The following ROS1 variants were observed in gnomAD, a reference collection of about 807,000 sequenced individuals.
ROS1 encodes the protein ROS proto-oncogene 1, receptor tyrosine kinase.
ROS1 carries 263 observed loss-of-function variants against 273.5 expected under a neutral mutation model. The observed-to-expected ratio is 0.96, with a 90% CI of 0.87 to 1.06. ROS1 has a LOEUF of 1.06. Among genes scored for constraint, ROS1 ranks in the 50% least tolerant of loss-of-function variants. The pLI, the probability that ROS1 is intolerant of heterozygous loss-of-function variation, is 0.00. For missense variants in ROS1, 2,833 were observed against 2,751.1 expected (o/e 1.03, Z -0.67); for synonymous variants, 1,008 against 954.1 (o/e 1.06, Z -1.04).
At chr6:117,292,680 G>A (rs1416151388) in intron 43 of ROS1, among the ~76,000 whole-genome samples, 1 of 152,160 alleles carries the variant, frequency 6.6e-6, no homozygotes, top group Non-Finnish European at 1.5e-5. Context: ...CTGTGTCCTG[G>A]ACTTCTCCGC....
intron 1 of ROS1, among the ~76,000 whole-genome samples, chr6:117,424,983 C>T (rs548929362): frequency 6.6e-6 from 1 of 152,052 alleles, no homozygotes; most frequent in African/African-American, 2.4e-5. Context: ...AGGGATGACA[C>T]CCAGAAATGA....
At chr6:117,336,577 C>T (rs1000833188) in intron 32 of ROS1, among the ~76,000 whole-genome samples, 59 of 151,918 alleles carry the variant, frequency 3.9e-4, no homozygotes, top group African/African-American at 1.1e-3. Context: ...CTAATGTTGA[C>T]GGGCATTTGG....
intron 12 of ROS1, among the ~76,000 whole-genome samples, chr6:117,391,500 T>C (rs537113353): frequency 1.3e-5 from 2 of 152,232 alleles, no homozygotes; most frequent in Admixed American, 6.5e-5. Context: ...GCAGAGGTTT[T>C]ACAGTAAGTC....
intron 16 of ROS1, among the ~76,000 whole-genome samples, chr6:117,384,308 T>A (rs1194037842): frequency 6.6e-6 from 1 of 152,192 alleles, no homozygotes; most frequent in Non-Finnish European, 1.5e-5. Flanking sequence ...GTATTTTATC[T>A]CCTCAGAAGA....
rs537802794 is a variant in ROS1, at chr6:117,291,977, C to CT, written c.6716-3176dup. 2.9e-3 allele frequency among the ~76,000 whole-genome samples: 426 copies of CT among 147,294 alleles called. 1 individual carries two copies. Among genetic ancestry groups the CT allele is most frequent in the African/African-American group, 9.1e-3 (364 of 40,210 alleles). The stretch of plus-strand genomic sequence containing the variant: ...TGACATTTTTTTTTTCTTTTCATTT[C>CT]TTTTTTTTTTGAGATGGAGTCTCAC... On this transcript the variant is annotated intron_variant, in intron 43 of 43. Transcript: ENST00000368507.
At chr6:117,320,754 C>T (rs1274987056) in intron 36 of ROS1, among the ~76,000 whole-genome samples, 1 of 152,052 alleles carries the variant, frequency 6.6e-6, no homozygotes, top group Non-Finnish European at 1.5e-5. Flanking sequence ...TTGCATAGAT[C>T]CTAATATAAT....
chr6:117,414,926 T>G (rs960915926), intron 3 of ROS1, among the ~76,000 whole-genome samples: 1 of 152,268 alleles, frequency 6.6e-6, no homozygotes, highest in African/African-American at 2.4e-5. Context: ...CAGATTCCTC[T>G]GCCCATGCTG....
At chr6:117,424,087 A>G (rs1775959513) in intron 1 of ROS1, among the ~76,000 whole-genome samples, 1 of 150,346 alleles carries the variant, frequency 6.7e-6, no homozygotes, top group Admixed American at 6.6e-5. Context: ...GAATAAATAA[A>G]ACGACAGTAA....
intron 4 of ROS1, among the ~76,000 whole-genome samples, chr6:117,412,597 T>TAGATAGAC (rs1345764022): frequency 1.7e-5 from 2 of 114,524 alleles, no homozygotes; most frequent in African/African-American, 7.8e-5. Context: ...GGTACATAGA[T>TAGATAGAC]AGATAGACAG....
chr6:117,317,100 C>T (rs369309660), intron 39 of ROS1, 43 bp downstream of exon 39: 579 of 1,586,242 alleles, frequency 3.7e-4, no homozygotes, highest in Admixed American at 4.9e-4. Flanking sequence ...AATTATAGGG[C>T]ATTTGCATTA....
At chr6:117,403,599 T>C (rs1774134975) in intron 6 of ROS1, among the ~76,000 whole-genome samples, 2 of 152,174 alleles carry the variant, frequency 1.3e-5, no homozygotes, top group East Asian at 3.9e-4. Flanking sequence ...GACACAGTCC[T>C]GGATGACCAC....
intron 33 of ROS1, 151 bp from the exon 34 acceptor site, chr6:117,326,565 A>G (rs1776660067): frequency 1.9e-6 from 1 of 540,062 alleles, no homozygotes. Context: ...CTGGCAACAC[A>G]GATGCTAACA....
chr6:117,359,969 T>A lies in ROS1; in HGVS notation c.3473A>T (p.Lys1158Met), dbSNP rs775612586. 1.2e-6 allele frequency: 2 copies of A among 1,613,874 alleles called. No individual in the cohort carries two copies. Among genetic ancestry groups the A allele is most frequent in the East Asian group, 4.5e-5 (2 of 44,850 alleles). The part of the protein sequence containing the change: ...FPHLITLLGN[K>M]IVFLDMDQNQ... ...TTGATCCATATCTAAAAAAACTATC[T>A]TGTTACCAAGAAGAGTTATGAGGTG... The change falls in exon 24 of 44, where the codon AAG (lysine) becomes ATG (methionine). Residue 1158 changes from lysine (K) to methionine (M), a missense_variant. Transcript: ENST00000368507.
intron 2 of ROS1, 47 bp downstream of exon 2, chr6:117,418,415 T>C: frequency 7.4e-7 from 1 of 1,345,128 alleles, no homozygotes; most frequent in South Asian, 1.3e-5. Context: ...CCCTTCATTA[T>C]CAACACAAAC....
chr6:117,383,977 C>T (rs1216694128), intron 16 of ROS1, among the ~76,000 whole-genome samples: 2 of 152,172 alleles, frequency 1.3e-5, no homozygotes, highest in Non-Finnish European at 2.9e-5. Flanking sequence ...ATATAAACTC[C>T]TGTAATCCTC....
In ROS1 at chr6:117,341,207, G is replaced by A; in HGVS notation, c.4989C>T (p.Asn1663=). 1 of 1,613,428 alleles carries A rather than the reference G, an allele frequency of 6.2e-7. No homozygotes were observed. The change falls in exon 31 of 44, where the codon AAC becomes AAT. Residue 1663 remains asparagine (N), a synonymous_variant. Transcript: ENST00000368507. ...CCTTCCAATTAAATTGCAAACTAGT[G>A]TTCTCTGGAACCAAGGAATAAGGTT... is the stretch of plus-strand genomic sequence containing the variant. ...PEKPYSLVPE[N]TSLQFNWKAP... is the part of the protein sequence containing the mutation.
chr6:117,352,400 T>C (rs145264224), intron 27 of ROS1, among the ~76,000 whole-genome samples: 18 of 152,284 alleles, frequency 1.2e-4, no homozygotes, highest in African/African-American at 4.3e-4. Flanking sequence ...AATCACACAA[T>C]AAAATTCACA....
chr6:117,387,115 A>G, intron 14 of ROS1, 116 bp from the exon 15 acceptor site: 1 of 508,814 alleles, frequency 2.0e-6, no homozygotes, highest in Non-Finnish European at 3.5e-6. Context: ...AAGTAAAAGA[A>G]TGTCAACACT....
At chr6:117,318,319 GGAGA>G in intron 37 of ROS1, 67 bp from the exon 38 acceptor site, 1 of 1,166,024 alleles carries the variant, frequency 8.6e-7, no homozygotes, top group Non-Finnish European at 1.3e-6. Context: ...GTGGGTTAAT[GGAGA>G]TTGTTCTGTT....
Sources: allele counts gnomAD v4.1 joint callset (sites outside exome capture counted in the v4.1 genomes callset), GRCh38; gene constraint gnomAD v4.1.1; transcripts MANE v1.5; gene names NCBI Gene and HGNC (gene_info 2026-07-23, HGNC 2026-07-21).